The following DDR2 variants were observed in gnomAD, a reference collection of about 807,000 sequenced individuals.
The protein encoded by DDR2 is discoidin domain-containing receptor 2.
A neutral mutation model predicts 94.9 loss-of-function variants in DDR2; 27 were observed. That is an observed-to-expected ratio of 0.28 (90% CI 0.21 to 0.39). The LOEUF is 0.39. Ranked by LOEUF, DDR2 falls within the 10% of genes least tolerant of loss-of-function variation. The pLI, the probability that DDR2 is intolerant of heterozygous loss-of-function variation, is 1.00. For missense variants in DDR2, 783 were observed against 1,076.0 expected (o/e 0.73, Z 3.81); for synonymous variants, 382 against 377.2 (o/e 1.01, Z -0.15).
In DDR2 at chr1:162,754,685, C is replaced by G. The variant is rs747479847; in HGVS notation, c.247C>G (p.Leu83Val). The change falls in exon 5 of 18, where the codon CTG (leucine) becomes GTG (valine). Residue 83 changes from leucine to valine, a missense_variant. Transcript: ENST00000367921. ...TGAGATTCCAGTGGAACCTGATGAC[C>G]TGAAGGAGTTTCTGCAGATTGACTT... ...CPEIPVEPDD[L>V]KEFLQIDLHT... 1.9e-6 allele frequency: 3 copies of G among 1,614,092 alleles called. No individual in the cohort carries two copies. The East Asian group carries it at 6.7e-5, about 36-fold the overall frequency.
At chr1:162,773,089 G>A (rs1647314060) in intron 13 of DDR2, among the ~76,000 whole-genome samples, 1 of 152,310 alleles carries the variant, frequency 6.6e-6, no homozygotes, top group South Asian at 2.1e-4. Context: ...CCTATACTAA[G>A]GGATTATTTT....
intron 9 of DDR2, 28 bp from the exon 10 acceptor site, chr1:162,765,973 G>A (rs770289851): frequency 6.2e-7 from 1 of 1,612,820 alleles, no homozygotes; most frequent in South Asian, 1.1e-5. Context: ...CTTCTCCCTG[G>A]CTCTGACTCA....
At chr1:162,714,326 T>C (rs1033500300) in intron 2 of DDR2, among the ~76,000 whole-genome samples, 3 of 152,178 alleles carry the variant, frequency 2.0e-5, no homozygotes. Context: ...GCTTTCCATG[T>C]CTCATTTGTG....
chr1:162,766,884 T>G (rs770807628), intron 10 of DDR2, among the ~76,000 whole-genome samples: 1 of 151,780 alleles, frequency 6.6e-6, no homozygotes, highest in African/African-American at 2.4e-5. Context: ...ATACAAAAAT[T>G]AGCCGGGCGT....
rs140059281 is a variant in DDR2, at chr1:162,641,990, G to A, written c.-192+9359G>A. On this transcript the variant is annotated intron_variant, in intron 1 of 17. Transcript: ENST00000367921. ...TTTTGAGACAGAGTCTCTCCCTGTCGCCCAGGCTAGAGTGCAGTGGCGGGA... is the reference window on the plus strand; with the variant it reads ...TTTTGAGACAGAGTCTCTCCCTGTCACCCAGGCTAGAGTGCAGTGGCGGGA... Among the ~76,000 whole-genome samples the A allele has an allele frequency of 7.6e-3, 1,151 of 152,054 alleles. 13 individuals are homozygous for A. Among genetic ancestry groups the A allele is most frequent in the African/African-American group, 0.027 (1,099 of 41,462 alleles).
chr1:162,702,227 C>G (rs138274036), intron 2 of DDR2, among the ~76,000 whole-genome samples: 1 of 152,194 alleles, frequency 6.6e-6, no homozygotes, highest in East Asian at 1.9e-4. Flanking sequence ...TTGTTCGTTG[C>G]AATTATTGTC....
In DDR2 at chr1:162,687,333, A is replaced by G. The variant is rs77351647; in HGVS notation, c.-27-31704A>G. 2.8e-4 allele frequency among the ~76,000 whole-genome samples: 42 copies of G among 152,360 alleles called. No individual in the cohort carries two copies. In the East Asian group the frequency reaches 7.1e-3, roughly 26 times the overall value. On this transcript the variant is annotated intron_variant, in intron 2 of 17. Coordinates refer to ENST00000367921, the MANE Select transcript of DDR2 (RefSeq NM_006182.4). The stretch of plus-strand genomic sequence containing the variant: ...AGGAATAAATGTAGTCACCATGGCC[A>G]TAAAACGGCCCCACTGCTGGGCTTG...
Position 162,638,187 on chromosome 1 carries a change from A to T in DDR2, c.-192+5556A>T, listed in dbSNP as rs1656934070. 2.0e-5 allele frequency among the ~76,000 whole-genome samples: 3 copies of T among 151,852 alleles called. 1 individual carries two copies. Among genetic ancestry groups the T allele is most frequent in the Admixed American group, 2.0e-4 (3 of 15,258 alleles). ...AGACACCCGCCACCAAGCCCAGCAA[A>T]TTTTTGTATTTTTAGTAGAGTTGGG... On this transcript the variant is annotated intron_variant, in intron 1 of 17. Coordinates refer to ENST00000367921, the MANE Select transcript of DDR2 (RefSeq NM_006182.4).
chr1:162,761,517 C>T (rs906702566), intron 9 of DDR2, 63 bp downstream of exon 9: 2 of 1,612,594 alleles, frequency 1.2e-6, no homozygotes, highest in Non-Finnish European at 1.7e-6. Flanking sequence ...ATGCACATGC[C>T]CAGAACTTCT....
In DDR2 at chr1:162,680,078, C is replaced by T. The variant is rs569796234; in HGVS notation, c.-28+24704C>T. Among the ~76,000 whole-genome samples the T allele has an allele frequency of 8.8e-4, 134 of 152,170 alleles. 1 individual carries two copies. The highest frequency in any genetic ancestry group is 1.3e-3 in the Non-Finnish European group (89 of 67,986). On this transcript the variant is annotated intron_variant, in intron 2 of 17. Transcript: ENST00000367921. ...CCCTCCTAGTTTGCAAATATTTTCT[C>T]CCATTCTGTAGGTTATTTACTGTTA...
In DDR2 at chr1:162,761,150, C is replaced by T. The variant is rs1663718287; in HGVS notation, c.856-61C>T. The T allele has an allele frequency of 1.9e-6, 3 of 1,611,472 alleles. No individual in the cohort carries two copies. The South Asian group carries it at 3.3e-5, about 18-fold the overall frequency. ...ACGGCAACTACTGAGTTGGCTGGCA[C>T]TGTGTCTCCATGCACCTTAGCAGGG... On this transcript the variant is annotated intron_variant, in intron 8 of 17. Coordinates refer to ENST00000367921, the MANE Select transcript of DDR2 (RefSeq NM_006182.4).
chr1:162,709,067 C>T (rs1051066329), intron 2 of DDR2, among the ~76,000 whole-genome samples: 1 of 152,152 alleles, frequency 6.6e-6, no homozygotes, highest in Non-Finnish European at 1.5e-5. Flanking sequence ...GCCATTATTA[C>T]TCCCATTTTT....
intron 1 of DDR2, among the ~76,000 whole-genome samples, chr1:162,634,284 A>G (rs1656708027): frequency 6.6e-6 from 1 of 152,200 alleles, no homozygotes; most frequent in African/African-American, 2.4e-5. Flanking sequence ...GATTCAGGAT[A>G]AGTTCTGGCT....
At chr1:162,673,230 C>T (rs552907638) in intron 2 of DDR2, among the ~76,000 whole-genome samples, 1 of 152,124 alleles carries the variant, frequency 6.6e-6, no homozygotes, top group Non-Finnish European at 1.5e-5. Context: ...CTTTTGGGAG[C>T]CAGTTGGTGT....
intron 2 of DDR2, among the ~76,000 whole-genome samples, chr1:162,704,600 G>T (rs1460770517): frequency 1.3e-5 from 2 of 152,210 alleles, no homozygotes; most frequent in Non-Finnish European, 2.9e-5. Context: ...CCCACTGCCT[G>T]GTTTATGGAT....
chr1:162,686,654 T>C (rs1407825862), intron 2 of DDR2, among the ~76,000 whole-genome samples: 1 of 152,238 alleles, frequency 6.6e-6, no homozygotes, highest in African/African-American at 2.4e-5. Flanking sequence ...TTTTTGCTAT[T>C]GTAAATAGTG....
chr1:162,775,849 C>A lies in DDR2; in HGVS notation c.2048+6C>A, dbSNP rs766617791. The A allele has an allele frequency of 6.2e-7, 1 of 1,613,910 alleles. No individual in the cohort carries two copies. On this transcript the variant is annotated splice_donor_region_variant and intron_variant, in intron 15 of 17. Transcript: ENST00000367921. ...AGCGATGTACGCACTGTCAGGTAAACAAGCCAGGTCTTCCTTCTCCTCCCT... is the reference window on the plus strand; with the variant it reads ...AGCGATGTACGCACTGTCAGGTAAAAAAGCCAGGTCTTCCTTCTCCTCCCT...
chr1:162,754,711 G>T lies in DDR2; in HGVS notation c.273G>T (p.Leu91Phe). 1 of 1,614,088 alleles carries T rather than the reference G, an allele frequency of 6.2e-7. No individual in the cohort carries two copies. The highest frequency in any genetic ancestry group is 8.5e-7 in the Non-Finnish European group (1 of 1,180,016). ...DDLKEFLQID[L>F]HTLHFITLVG... ...TGAAGGAGTTTCTGCAGATTGACTT[G>T]CACACCCTCCATTTTATCACTCTGG... Residue 91 changes from leucine to phenylalanine, a missense_variant, in exon 5 of 18, where the codon TTG becomes TTT. Around this residue, in one of 2 missense-constraint regions of DDR2, gnomAD observed 519 missense variants for 647.9 expected, o/e 0.80. Transcript: ENST00000367921.
intron 8 of DDR2, 152 bp downstream of exon 8, chr1:162,760,131 A>T: frequency 9.7e-7 from 1 of 1,033,360 alleles, no homozygotes; most frequent in Non-Finnish European, 1.4e-6. Flanking sequence ...AAGTCACTTC[A>T]TCTCTAAGGG....
Sources: gnomAD v4.1 joint callset for allele counts (sites outside exome capture counted in the v4.1 genomes callset) on GRCh38, gnomAD v4.1.1 for gene constraint, gnomAD v4.1.1 regional missense constraint, MANE v1.5 for transcripts, NCBI Gene and HGNC (gene_info 2026-07-23, HGNC 2026-07-21) for gene names.